Variants in ZNF678 observed in about 807,000 individuals in gnomAD.
ZNF678 encodes hypothetical protein MGC42493.
Under a neutral mutation model 3.0 loss-of-function variants are expected in ZNF678, and 5 were observed. The observed-to-expected ratio is 1.69, with a 90% CI of 0.88 to 3.56. The LOEUF (loss-of-function observed/expected upper bound fraction) is 3.56, where lower values mean the gene tolerates loss of function less well. Ranked by LOEUF, ZNF678 falls within the 30% of genes most tolerant of loss-of-function variation. The probability of loss-of-function intolerance (pLI) is 0.00; values close to 1 mark genes in which losing one functional copy is unlikely to be tolerated. For synonymous variants in ZNF678, 218 were observed against 199.6 expected (o/e 1.09, Z -0.78); for missense variants, 593 against 605.0 (o/e 0.98, Z 0.21).
rs1302701713 is a variant in ZNF678 at position 227,661,371 on chromosome 1, C to G, written c.*5543C>G. On this transcript the variant is annotated 3_prime_UTR_variant, in exon 4 of 4. Transcript: ENST00000343776. ...GTCTATGTCAAGAACAAAGACCAGGCAAAAGAAATGTCAAGCCGCATTTAC... is the reference window on the plus strand; with the variant it reads ...GTCTATGTCAAGAACAAAGACCAGGGAAAAGAAATGTCAAGCCGCATTTAC... The G allele has an allele frequency of 4.0e-5, 6 of 151,530 alleles. No individual in the cohort carries two copies. Among genetic ancestry groups the G allele is most frequent in the Non-Finnish European group, 8.8e-5 (6 of 67,944 alleles). 9.4% of individuals were successfully genotyped at this position (151,530 alleles called of 1,614,324 possible). A position where few individuals can be genotyped will look rare whatever the true frequency, so the allele number is the denominator to read the frequency against.
chr1:227,619,902 A>G (rs764781075), intron 1 of ZNF678, among the ~76,000 whole-genome samples: 1 of 152,320 alleles, frequency 6.6e-6, no homozygotes, highest in Non-Finnish European at 1.5e-5. Flanking sequence ...ATAAGCTAAA[A>G]TCTTAGACAA....
chr1:227,609,879 G>A (rs538027328), intron 1 of ZNF678, among the ~76,000 whole-genome samples: 3 of 152,074 alleles, frequency 2.0e-5, no homozygotes, highest in Admixed American at 1.3e-4. Flanking sequence ...GACTACAGGC[G>A]CGTGCCACCA....
intron 1 of ZNF678, among the ~76,000 whole-genome samples, chr1:227,580,511 C>G (rs1657097831): frequency 6.6e-6 from 1 of 152,060 alleles, no homozygotes; most frequent in Admixed American, 6.6e-5. Flanking sequence ...ACTTTTGATG[C>G]CTTTATGAAA....
intron 1 of ZNF678, among the ~76,000 whole-genome samples, chr1:227,563,986 C>G (rs1656603726): frequency 6.6e-6 from 1 of 152,244 alleles, no homozygotes; most frequent in Non-Finnish European, 1.5e-5. Flanking sequence ...CGGGGAGAAG[C>G]CAAATCGGTG....
chr1:227,625,560 A>T (rs546433297), intron 1 of ZNF678, among the ~76,000 whole-genome samples: 21 of 152,340 alleles, frequency 1.4e-4, no homozygotes, highest in African/African-American at 4.8e-4. Context: ...GAGGTTAAAG[A>T]TACAGGGATT....
At position 227,638,667 on chromosome 1, in the gene ZNF678, G is replaced by A. The variant is rs930149067; in HGVS notation, c.-163-7877G>A. Among the ~76,000 whole-genome samples, 1 of 152,132 alleles carries A rather than the reference G, an allele frequency of 6.6e-6. No individual in the cohort carries two copies. The highest frequency in any genetic ancestry group is 1.5e-5 in the Non-Finnish European group (1 of 68,014). On this transcript the variant is annotated intron_variant, in intron 1 of 3. Transcript: ENST00000343776. This position sits in a 1 kb window ranked among gnomAD's most constrained non-coding sequence, Gnocchi z 4.2. ...CCACAGGGGTCTAGGTGGATGTCTT[G>A]GGTACTATGGGAAATGTGGAAGTAG...
intron 1 of ZNF678, among the ~76,000 whole-genome samples, chr1:227,573,839 A>G (rs1343500374): frequency 1.3e-5 from 2 of 152,184 alleles, no homozygotes; most frequent in Non-Finnish European, 2.9e-5. Flanking sequence ...CTACCATCAG[A>G]TAAGTCCCAG....
chr1:227,649,489 T>TGACATGC (rs1659040971), intron 2 of ZNF678, among the ~76,000 whole-genome samples: 2 of 152,168 alleles, frequency 1.3e-5, no homozygotes, highest in Non-Finnish European at 2.9e-5. Flanking sequence ...TAGCCAAGAT[T>TGACATGC]ACAGGCATGC....
rs1659251628 is a variant in ZNF678 at position 227,656,426 on chromosome 1, T to C, written c.*598T>C. The C allele has an allele frequency of 1.3e-5, 2 of 151,842 alleles. No homozygotes were observed. The highest frequency in any genetic ancestry group is 2.4e-5 in the African/African-American group (1 of 41,418). The allele number at this position is 151,842 out of a possible 1,614,324, so 9.4% of individuals were successfully genotyped here. ...GCATTAAAAGTTTTTATATTTTTGA[T>C]TATATATTTTAATATTGATATAATT... is the stretch of plus-strand genomic sequence containing the variant. On this transcript the variant is annotated 3_prime_UTR_variant, in exon 4 of 4. Transcript: ENST00000343776.
chr1:227,598,997 CT>C (rs1657665370), intron 1 of ZNF678: 2 of 1,322,820 alleles, frequency 1.5e-6, no homozygotes, highest in Non-Finnish European at 2.2e-6. Flanking sequence ...TGGAGCCTTT[CT>C]TTTCTCCTCT....
At chr1:227,649,029 A>C (rs1426652331) in intron 2 of ZNF678, among the ~76,000 whole-genome samples, 2 of 152,202 alleles carry the variant, frequency 1.3e-5, no homozygotes, top group Non-Finnish European at 2.9e-5. Context: ...CATGTTGTTT[A>C]AATAGCAGAA....
At chr1:227,629,737 C>A (rs1658504089) in intron 1 of ZNF678, among the ~76,000 whole-genome samples, 1 of 152,200 alleles carries the variant, frequency 6.6e-6, no homozygotes, top group South Asian at 2.1e-4. Context: ...CCTTCATACC[C>A]TGGGGTGCGG....
intron 1 of ZNF678, among the ~76,000 whole-genome samples, chr1:227,599,379 G>A (rs1333282233): frequency 2.0e-5 from 3 of 152,194 alleles, no homozygotes; most frequent in Non-Finnish European, 4.4e-5. Flanking sequence ...CAGGCCCACT[G>A]CAGGTCCTCC....
chr1:227,613,237 T>C (rs1658066422), intron 1 of ZNF678, among the ~76,000 whole-genome samples: 1 of 152,208 alleles, frequency 6.6e-6, no homozygotes, highest in Non-Finnish European at 1.5e-5. Flanking sequence ...TCAACTTTTC[T>C]GCATTATTCT....
At position 227,655,015 on chromosome 1, in the gene ZNF678, T is replaced by A. The variant is rs762141859; in HGVS notation, c.765T>A (p.His255Gln). ...AFNKFSNLTQ[H>Q]KRIHTGEKPY... The stretch of plus-strand genomic sequence containing the variant: ...ACAAGTTCTCAAACCTTACTCAACA[T>A]AAGAGAATTCATACTGGAGAGAAAC... Residue 255 changes from histidine (H) to glutamine (Q), a missense_variant, in exon 4 of 4, where the codon CAT (histidine) becomes CAA (glutamine). By Grantham distance (24) the His-to-Gln change is conservative. Coordinates refer to ENST00000343776, the MANE Select transcript of ZNF678 (RefSeq NM_001367909.1). 1 of 1,612,324 alleles carries A rather than the reference T, an allele frequency of 6.2e-7. No individual in the cohort carries two copies. Among genetic ancestry groups the A allele is most frequent in the Non-Finnish European group, 8.5e-7 (1 of 1,179,392 alleles).
intron 1 of ZNF678, among the ~76,000 whole-genome samples, chr1:227,586,697 C>T (rs936074637): frequency 1.3e-5 from 2 of 152,184 alleles, no homozygotes; most frequent in Admixed American, 6.5e-5. Context: ...GCACCACTCC[C>T]TCTGTGATTC....
rs1350224977 is a variant in ZNF678, at chr1:227,655,326, C to T, written c.1076C>T (p.Thr359Ile). 3 of 1,596,152 alleles carry T rather than the reference C, an allele frequency of 1.9e-6. No individual in the cohort carries two copies. In the African/African-American group the frequency reaches 4.2e-5, roughly 23 times the overall value. ...YKCEECGRTF[T>I]QFSNLTQHKR... The stretch of plus-strand genomic sequence containing the variant: ...TGTGAAGAATGTGGCAGAACCTTTA[C>T]TCAATTCTCAAACCTCACTCAGCAT... Residue 359 changes from threonine to isoleucine, a missense_variant, in exon 4 of 4, where the codon ACT becomes ATT. Transcript: ENST00000343776.
chr1:227,585,458 T>G (rs1657233557), intron 1 of ZNF678, among the ~76,000 whole-genome samples: 1 of 151,872 alleles, frequency 6.6e-6, no homozygotes, highest in Non-Finnish European at 1.5e-5. Context: ...AAACAGAAAA[T>G]GTTAGAAATA....
chr1:227,604,930 A>G (rs1018562141), intron 1 of ZNF678, among the ~76,000 whole-genome samples: 3 of 152,138 alleles, frequency 2.0e-5, no homozygotes, highest in Admixed American at 1.3e-4. Context: ...ATCTCCGCTC[A>G]CTGCAAGCTC....
Sources: allele counts gnomAD v4.1 joint callset (sites outside exome capture counted in the v4.1 genomes callset), GRCh38; gene constraint gnomAD v4.1.1; non-coding constraint Gnocchi (gnomAD v3.1); transcripts MANE v1.5; gene names NCBI Gene and HGNC (gene_info 2026-07-23, HGNC 2026-07-21).